CNIH3: variants seen among roughly 807,000 people sequenced by gnomAD.
CNIH3 encodes the protein cornichon family AMPA receptor auxiliary protein 3.
Under a neutral mutation model 24.1 loss-of-function variants are expected in CNIH3, and 14 were observed. The observed-to-expected ratio is 0.58, with a 90% CI of 0.38 to 0.91. The LOEUF is 0.91. CNIH3 is among the 40% of genes least tolerant of loss of function. The pLI is 0.00. For synonymous variants in CNIH3, 68 were observed against 73.8 expected (o/e 0.92, Z 0.40); for missense variants, 178 against 196.8 (o/e 0.90, Z 0.57).
intron 1 of CNIH3, among the ~76,000 whole-genome samples, chr1:224,665,573 G>A (rs1685557570): frequency 6.6e-6 from 1 of 152,192 alleles, no homozygotes; most frequent in Non-Finnish European, 1.5e-5. Flanking sequence ...CTCCTTACCT[G>A]GAGCAGTACC....
chr1:224,580,921 T>C (rs1681249171), intron 4 of CNIH3, among the ~76,000 whole-genome samples: 1 of 152,182 alleles, frequency 6.6e-6, no homozygotes, highest in African/African-American at 2.4e-5. Context: ...CAGTCAAATA[T>C]GCATTCATCT....
chr1:224,458,631 T>C lies in CNIH3; in HGVS notation n.203+23769T>C, dbSNP rs530307068. Among the ~76,000 whole-genome samples the C allele has an allele frequency of 6.6e-6, 1 of 152,316 alleles. No individual in the cohort carries two copies. Among genetic ancestry groups the C allele is most frequent in the African/African-American group, 2.4e-5 (1 of 41,570 alleles). ...ACCACTTTCCTACTACTCCCCCTAA[T>C]GATAACATACTGAACTCACTTTTAT... On this transcript the variant is annotated intron_variant and non_coding_transcript_variant, in intron 1 of 5. Transcript: ENST00000471578. The surrounding 1 kb of genome is among the most constrained non-coding windows in gnomAD (Gnocchi z 4.3).
intron 1 of CNIH3, among the ~76,000 whole-genome samples, chr1:224,652,261 G>A (rs961441259): frequency 1.3e-5 from 2 of 152,140 alleles, no homozygotes; most frequent in East Asian, 1.9e-4. Flanking sequence ...GATCTATATG[G>A]CGAACTGGGG....
chr1:224,670,163 C>T (rs1685794364), intron 1 of CNIH3, among the ~76,000 whole-genome samples: 1 of 152,162 alleles, frequency 6.6e-6, no homozygotes, highest in African/African-American at 2.4e-5. Context: ...TCCTTCAGAT[C>T]CAGGACTCTT....
At chr1:224,626,261 C>T (rs150281610) in intron 1 of CNIH3, among the ~76,000 whole-genome samples, 1 of 152,298 alleles carries the variant, frequency 6.6e-6, no homozygotes, top group African/African-American at 2.4e-5. Flanking sequence ...AGAGTGTCTG[C>T]ATCTTAACAG....
chr1:224,670,827 G>A (rs1365910327), intron 1 of CNIH3, among the ~76,000 whole-genome samples: 3 of 152,238 alleles, frequency 2.0e-5, no homozygotes, highest in African/African-American at 4.8e-5. Context: ...GGGGTTTGTG[G>A]TGGTTAACTT....
intron 2 of CNIH3, among the ~76,000 whole-genome samples, chr1:224,533,993 C>T (rs938381744): frequency 4.6e-5 from 7 of 152,076 alleles, no homozygotes; most frequent in South Asian, 2.1e-4. Context: ...GGTGAAACCC[C>T]GTCTTTACAC....
chr1:224,530,661 A>G (rs1402551319), intron 2 of CNIH3, among the ~76,000 whole-genome samples: 2 of 150,830 alleles, frequency 1.3e-5, no homozygotes, highest in African/African-American at 4.9e-5. Flanking sequence ...GTGCAGTGGC[A>G]TGATCTTGGC....
At chr1:224,487,657 A>C (rs981619186) in intron 1 of CNIH3, among the ~76,000 whole-genome samples, 2 of 152,238 alleles carry the variant, frequency 1.3e-5, no homozygotes, top group African/African-American at 4.8e-5. Flanking sequence ...TGTATAGAAG[A>C]AGCTTCCCTT....
At chr1:224,554,099 A>T (rs544276487) in intron 3 of CNIH3, among the ~76,000 whole-genome samples, 10 of 152,296 alleles carry the variant, frequency 6.6e-5, no homozygotes, top group African/African-American at 2.4e-4. Flanking sequence ...CACCATTCTG[A>T]ACGTAATGCC....
chr1:224,498,244 T>G (rs757030618), intron 1 of CNIH3, among the ~76,000 whole-genome samples: 1 of 152,112 alleles, frequency 6.6e-6, no homozygotes, highest in Non-Finnish European at 1.5e-5. Context: ...CTTGCTCTCT[T>G]AGGATTAGGC....
chr1:224,506,845 A>G (rs917470459), intron 1 of CNIH3, among the ~76,000 whole-genome samples: 1 of 152,120 alleles, frequency 6.6e-6, no homozygotes, highest in African/African-American at 2.4e-5. Flanking sequence ...AGAAGTATTC[A>G]TACTCATAAA....
intron 1 of CNIH3, among the ~76,000 whole-genome samples, chr1:224,620,661 C>A (rs1041610904): frequency 2.0e-5 from 3 of 152,072 alleles, no homozygotes; most frequent in African/African-American, 7.2e-5. Context: ...TAAATAAAAT[C>A]ATCAGTAATC....
chr1:224,701,907 G>A (rs1284232366), intron 3 of CNIH3, among the ~76,000 whole-genome samples: 2 of 152,100 alleles, frequency 1.3e-5, no homozygotes, highest in East Asian at 3.9e-4. Context: ...AAAATAATAT[G>A]TTCATATTTT....
chr1:224,560,684 C>T (rs974539804), intron 3 of CNIH3, among the ~76,000 whole-genome samples: 2 of 151,912 alleles, frequency 1.3e-5, no homozygotes, highest in African/African-American at 4.8e-5. Flanking sequence ...CCATCACCCC[C>T]AGATGGGACC....
intron 1 of CNIH3, among the ~76,000 whole-genome samples, chr1:224,481,245 G>C (rs986028948): frequency 6.6e-6 from 1 of 152,214 alleles, no homozygotes; most frequent in Non-Finnish European, 1.5e-5. Context: ...CCTTCCACCA[G>C]GTCCCTCCTA....
chr1:224,728,931 A>G (rs766816281), intron 3 of CNIH3, among the ~76,000 whole-genome samples: 10 of 152,268 alleles, frequency 6.6e-5, no homozygotes, highest in Non-Finnish European at 1.3e-4. Context: ...ACGTTGGCTA[A>G]GATGGCTTGC....
chr1:224,697,248 C>T (rs1687226489), intron 3 of CNIH3, among the ~76,000 whole-genome samples: 1 of 152,200 alleles, frequency 6.6e-6, no homozygotes. Flanking sequence ...TAGTTTGCAA[C>T]CTTGGCTGTA....
chr1:224,446,137 G>A (rs780809375), intron 1 of CNIH3, among the ~76,000 whole-genome samples: 16 of 150,660 alleles, frequency 1.1e-4, no homozygotes, highest in Non-Finnish European at 2.4e-4. Flanking sequence ...AGTTTGTGCT[G>A]ATACCATACT....
Sources: allele counts gnomAD v4.1 joint callset (sites outside exome capture counted in the v4.1 genomes callset), GRCh38; gene constraint gnomAD v4.1.1; non-coding constraint Gnocchi (gnomAD v3.1); transcripts MANE v1.5; gene names NCBI Gene and HGNC (gene_info 2026-07-23, HGNC 2026-07-21).